BAZ2A: variants seen among roughly 807,000 people sequenced by gnomAD.
BAZ2A encodes the protein bromodomain adjacent to zinc finger domain protein 2A.
A neutral mutation model predicts 199.9 loss-of-function variants in BAZ2A; 34 were observed. The observed-to-expected ratio is 0.17, with a 90% CI of 0.13 to 0.23. The LOEUF is 0.23. Among genes scored for constraint, BAZ2A ranks in the 10% least tolerant of loss-of-function variants. The pLI is 1.00. For synonymous variants in BAZ2A, 857 were observed against 883.9 expected (o/e 0.97, Z 0.54); for missense variants, 2,002 against 2,391.1 (o/e 0.84, Z 3.39).
upstream of BAZ2A, chr12:56,635,025 C>A (rs937886865): frequency 1.0e-5 from 10 of 984,252 alleles, no homozygotes; most frequent in East Asian, 1.2e-4. This position sits in a 1 kb window ranked among gnomAD's most constrained non-coding sequence, Gnocchi z 4.1. Context: ...TGCGCCTCCT[C>A]CCCCAGCCCT....
chr12:56,628,546 G>C (rs1381587032), intron 1 of BAZ2A, among the ~76,000 whole-genome samples: 1 of 152,078 alleles, frequency 6.6e-6, no homozygotes, highest in Non-Finnish European at 1.5e-5. Flanking sequence ...GCACCCCTTA[G>C]TCAAATAACA....
At chr12:56,614,442 G>A in intron 3 of BAZ2A, 1 of 313,464 alleles carries the variant, frequency 3.2e-6, no homozygotes, top group Non-Finnish European at 6.0e-6. Flanking sequence ...TTACAGAGTG[G>A]TGGTTACCCT....
intron 2 of BAZ2A, 64 bp downstream of exon 2, chr12:56,617,331 C>T (rs1286797123): frequency 7.9e-6 from 11 of 1,386,030 alleles, no homozygotes; most frequent in South Asian, 1.7e-5. Context: ...AATATCCCCC[C>T]ATGAATCTGC....
chr12:56,634,012 C>G (rs958855706), upstream of BAZ2A, among the ~76,000 whole-genome samples: 1 of 152,098 alleles, frequency 6.6e-6, no homozygotes, highest in Admixed American at 6.5e-5. Context: ...GGATTACAGG[C>G]GAGCACACTC....
Position 56,600,484 on chromosome 12 carries a change from T to A in BAZ2A, c.4609A>T (p.Thr1537Ser). The A allele has an allele frequency of 6.2e-7, 1 of 1,612,066 alleles. No individual in the cohort carries two copies. The highest frequency in any genetic ancestry group is 8.5e-7 in the Non-Finnish European group (1 of 1,179,158). ...CGGGTAGAGTCTGGGCTAGGACATG[T>A]CCAGCCCTTCAGTTAAGAGAGAGGA... ...IMSDLQIRGW[T>S]CPSPDSTRED... The change falls in exon 24 of 29, where the codon ACA (threonine) becomes TCA (serine). Residue 1537 changes from threonine (T) to serine (S), a missense_variant. Thr to Ser is a moderately conservative substitution (Grantham distance 58). This residue lies in a region of BAZ2A where 1,081 missense variants were observed against 1,274.7 expected (regional missense o/e 0.85). Coordinates refer to ENST00000549884, the MANE Select transcript of BAZ2A (RefSeq NM_001300905.2).
rs780047802 is a variant in BAZ2A, at chr12:56,609,816, C to T, written c.2012G>A (p.Arg671Gln). 1.1e-5 allele frequency: 17 copies of T among 1,613,878 alleles called. No individual in the cohort carries two copies. In the Middle Eastern group the frequency reaches 8.3e-4, roughly 78 times the overall value. ...GATTTTGACCTTAGGTGGCCGACCT[C>T]GACCCCGTTTCACCTTGGGGACTTC... ...TKEVPKVKRG[R>Q]GRPPKVKITE... Residue 671 changes from arginine (R) to glutamine (Q), a missense_variant, in exon 10 of 29, where the codon CGA becomes CAA. By Grantham distance (43) the Arg-to-Gln change is conservative (BLOSUM62 1). Transcript: ENST00000549884.
chr12:56,606,571 A>G (rs1950362286), intron 11 of BAZ2A, 62 bp downstream of exon 11: 1 of 1,485,644 alleles, frequency 6.7e-7, no homozygotes, highest in Non-Finnish European at 9.4e-7. Flanking sequence ...AAATGAAAAT[A>G]AAAGATGAAG....
chr12:56,600,863 C>T (rs371767788), intron 22 of BAZ2A, 31 bp from the exon 23 acceptor site: 57 of 1,611,920 alleles, frequency 3.5e-5, no homozygotes, highest in Non-Finnish European at 4.5e-5. Context: ...GGGAGAGGCC[C>T]ATCAGGCTGT....
intron 10 of BAZ2A, among the ~76,000 whole-genome samples, chr12:56,606,940 C>T (rs912862435): frequency 1.3e-5 from 2 of 150,874 alleles, no homozygotes; most frequent in Admixed American, 1.3e-4. Context: ...GCACAAAGAA[C>T]TCAAATGACA....
chr12:56,619,994 T>G (rs964295361), intron 1 of BAZ2A, among the ~76,000 whole-genome samples: 8 of 152,140 alleles, frequency 5.3e-5, no homozygotes, highest in Admixed American at 5.2e-4. Context: ...CTAAAAGCAA[T>G]GTGCATTTGT....
chr12:56,598,825 G>A, intron 28 of BAZ2A, 42 bp from the exon 29 acceptor site: 1 of 1,609,166 alleles, frequency 6.2e-7, no homozygotes, highest in Non-Finnish European at 8.5e-7. Context: ...GGTAGGAGTT[G>A]CAGCAGTAGC....
In BAZ2A at chr12:56,617,410, G is replaced by T. The variant is rs1263409227; in HGVS notation, c.121C>A (p.Pro41Thr). Reference protein sequence around the residue: ...LYTNGSPMNFPQQGKSLNGDV... With the variant: ...LYTNGSPMNFTQQGKSLNGDV... Reference sequence around the variant, plus strand: ...TCACACTCACTTTTCCCTTGCTGGGGGAAGTTCATGGGAGACCCGTTAGTG... The same window carrying T: ...TCACACTCACTTTTCCCTTGCTGGGTGAAGTTCATGGGAGACCCGTTAGTG... Residue 41 changes from proline (P) to threonine (T), a missense_variant, in exon 2 of 29, where the codon CCC (proline) becomes ACC (threonine). Around this residue, in one of 6 missense-constraint regions of BAZ2A, gnomAD observed 641 missense variants for 694.5 expected, o/e 0.92. Transcript: ENST00000549884. 1 of 1,601,052 alleles carries T rather than the reference G, an allele frequency of 6.2e-7. No homozygotes were observed. The highest frequency in any genetic ancestry group is 1.7e-5 in the Admixed American group (1 of 58,172).
Position 56,599,129 on chromosome 12 carries a change from T to C in BAZ2A, c.5402A>G (p.Glu1801Gly), listed in dbSNP as rs765430282. The C allele has an allele frequency of 6.2e-7, 1 of 1,608,688 alleles. No individual in the cohort carries two copies. Among genetic ancestry groups the C allele is most frequent in the South Asian group, 1.1e-5 (1 of 90,096 alleles). ...RNHHSDLTFC[E>G]IILMEMESHD... ...TCCCCCCAGGATTCACTCAACTCAC[T>C]CGCAAAATGTGAGATCACTGTGGTG... Residue 1801 changes from glutamate (E) to glycine (G), a missense_variant and splice_region_variant, in exon 27 of 29, where the codon GAG (glutamate) becomes GGG (glycine). This residue lies in a region of BAZ2A where 122 missense variants were observed against 123.0 expected (regional missense o/e 0.99). Coordinates refer to ENST00000549884, the MANE Select transcript of BAZ2A (RefSeq NM_001300905.2).
chr12:56,609,967 G>A (rs931787220), intron 9 of BAZ2A, 21 bp from the exon 10 acceptor site: 3 of 1,610,320 alleles, frequency 1.9e-6, no homozygotes, highest in Admixed American at 1.7e-5. Flanking sequence ...AAGGGAGACT[G>A]TTACAGTAGT....
At chr12:56,614,958 A>C in intron 3 of BAZ2A, 56 bp downstream of exon 3, 8 of 1,454,578 alleles carry the variant, frequency 5.5e-6, no homozygotes, top group Non-Finnish European at 6.6e-6. Flanking sequence ...AAAAGCCACT[A>C]TCCCCCCCGA....
rs1265851877 is a variant in BAZ2A, at chr12:56,630,247, C to CCGGGGTT, written c.-132_-126dup. The CCGGGGTT allele has an allele frequency of 6.1e-6, 6 of 982,844 alleles. No individual in the cohort carries two copies. Among genetic ancestry groups the CCGGGGTT allele is most frequent in the African/African-American group, 1.7e-5 (1 of 57,188 alleles). 60.9% of individuals were successfully genotyped at this position (982,844 alleles called of 1,614,324 possible). The stretch of plus-strand genomic sequence containing the variant: ...GCCCGCTGGGGAGGGGGTCTGGGGT[C>CCGGGGTT]CGGGGTTCGGGAAGGGGGAGGGGGA... On this transcript the variant is annotated 5_prime_UTR_variant, in exon 1 of 29. Transcript: ENST00000549884.
rs1230078585 is a variant in BAZ2A, at chr12:56,635,538, C to G, written c.4+644G>C. Reference sequence around the variant, plus strand: ...CGAAGGCAAAAACCTCCTATCCTCTCAACCTCAATCCTGCGTCCCACTCAG... The same window carrying G: ...CGAAGGCAAAAACCTCCTATCCTCTGAACCTCAATCCTGCGTCCCACTCAG... On this transcript the variant is annotated intron_variant, in intron 1 of 29. Transcript: ENST00000379441. This position sits in a 1 kb window ranked among gnomAD's most constrained non-coding sequence, Gnocchi z 4.1. Among the ~76,000 whole-genome samples the G allele has an allele frequency of 2.0e-5, 3 of 152,190 alleles. No individual in the cohort carries two copies. The highest frequency in any genetic ancestry group is 2.9e-5 in the Non-Finnish European group (2 of 68,034).
At position 56,600,453 on chromosome 12, in the gene BAZ2A, T is replaced by C. The variant is rs1886335031; in HGVS notation, c.4640A>G (p.Asp1547Gly). Residue 1547 changes from aspartate to glycine, a missense_variant, in exon 24 of 29, where the codon GAC (aspartate) becomes GGC (glycine). Around this residue, in one of 6 missense-constraint regions of BAZ2A, gnomAD observed 1,081 missense variants for 1,274.7 expected, o/e 0.85. Transcript: ENST00000549884. ...GGAGAGGTGCTCACAGTAGGCCAAG[T>C]CTTCACGGGTAGAGTCTGGGCTAGG... ...TCPSPDSTRE[D>G]LAYCEHLSDS... is the part of the protein sequence containing the mutation. 1 of 1,613,590 alleles carries C rather than the reference T, an allele frequency of 6.2e-7. No individual in the cohort carries two copies.
In BAZ2A at chr12:56,615,115, C is replaced by T; in HGVS notation, c.629G>A (p.Gly210Asp). The T allele has an allele frequency of 2.5e-6, 4 of 1,613,874 alleles. No homozygotes were observed. The highest frequency in any genetic ancestry group is 3.4e-6 in the Non-Finnish European group (4 of 1,179,862). ...TTCTGCTGCCTCATCAGGATGGATA[C>T]CACTGCCTACCTCCTGGGAGGGTGC... ...TFAPSQEVGS[G>D]IHPDEAAEKE... is the part of the protein sequence containing the mutation. The change falls in exon 3 of 29, where the codon GGT (glycine) becomes GAT (aspartate). Residue 210 changes from glycine to aspartate, a missense_variant. Gly to Asp is a moderately conservative substitution (Grantham distance 94). Around this residue, in one of 6 missense-constraint regions of BAZ2A, gnomAD observed 641 missense variants for 694.5 expected, o/e 0.92. Coordinates refer to ENST00000549884, the MANE Select transcript of BAZ2A (RefSeq NM_001300905.2).
Sources: gnomAD v4.1 joint callset for allele counts (sites outside exome capture counted in the v4.1 genomes callset) on GRCh38, gnomAD v4.1.1 for gene constraint, gnomAD v4.1.1 regional missense constraint, Gnocchi (gnomAD v3.1) non-coding constraint, MANE v1.5 for transcripts, NCBI Gene and HGNC (gene_info 2026-07-23, HGNC 2026-07-21) for gene names.